The following OSBPL11 variants were observed in gnomAD, a reference collection of about 807,000 sequenced individuals.
OSBPL11 encodes oxysterol binding protein like 11.
OSBPL11 carries 33 observed loss-of-function variants against 84.4 expected under a neutral mutation model. That is an observed-to-expected ratio of 0.39 (90% CI 0.30 to 0.52). The LOEUF (loss-of-function observed/expected upper bound fraction) is 0.52. Among genes scored for constraint, OSBPL11 ranks in the 20% least tolerant of loss-of-function variants. The pLI, the probability that OSBPL11 is intolerant of heterozygous loss-of-function variation, is 0.72. For missense variants in OSBPL11, 736 were observed against 901.1 expected (o/e 0.82, Z 2.35); for synonymous variants, 276 against 310.2 (o/e 0.89, Z 1.16).
At chr3:125,538,814 G>C (rs1453601936) in intron 10 of OSBPL11, among the ~76,000 whole-genome samples, 181 bp from the exon 11 acceptor site, 1 of 152,068 alleles carries the variant, frequency 6.6e-6, no homozygotes, top group African/African-American at 2.4e-5. Flanking sequence ...TTCATAATTT[G>C]TTCAAATAAT....
intron 5 of OSBPL11, among the ~76,000 whole-genome samples, chr3:125,572,799 C>T (rs902637488): frequency 6.9e-6 from 1 of 145,252 alleles, no homozygotes; most frequent in African/African-American, 2.5e-5. Flanking sequence ...TGAATATGGA[C>T]TAATTATATA....
At chr3:125,558,902 T>C (rs1347591633) in intron 8 of OSBPL11, among the ~76,000 whole-genome samples, 1 of 152,244 alleles carries the variant, frequency 6.6e-6, no homozygotes, top group East Asian at 1.9e-4. Context: ...AGATTCTGCA[T>C]TCCTAACAAG....
chr3:125,574,613 A>G (rs1015709252), intron 5 of OSBPL11, among the ~76,000 whole-genome samples: 4 of 152,136 alleles, frequency 2.6e-5, no homozygotes, highest in African/African-American at 9.7e-5. Flanking sequence ...TTATCAATTA[A>G]AAAAAGACAG....
intron 5 of OSBPL11, among the ~76,000 whole-genome samples, chr3:125,573,553 T>C (rs1297973571): frequency 6.6e-6 from 1 of 152,160 alleles, no homozygotes; most frequent in Non-Finnish European, 1.5e-5. Flanking sequence ...GACAGTATGA[T>C]ACTACTCACA....
At chr3:125,590,057 C>T (rs1032281413) in intron 1 of OSBPL11, among the ~76,000 whole-genome samples, 1 of 151,916 alleles carries the variant, frequency 6.6e-6, no homozygotes, top group Non-Finnish European at 1.5e-5. Context: ...TACAAGCTGA[C>T]ATGAAGAATA....
At chr3:125,551,763 G>A (rs1264527996) in intron 9 of OSBPL11, among the ~76,000 whole-genome samples, 1 of 151,870 alleles carries the variant, frequency 6.6e-6, no homozygotes, top group African/African-American at 2.4e-5. Flanking sequence ...GGATGACAGA[G>A]CGAGACTCCA....
At chr3:125,593,145 C>T (rs908387410) in intron 1 of OSBPL11, among the ~76,000 whole-genome samples, 36 of 152,154 alleles carry the variant, frequency 2.4e-4, no homozygotes, top group African/African-American at 2.2e-4. Context: ...ATGCCAGGGC[C>T]GCGGCGGCGC....
rs768494776 is a variant in OSBPL11 at position 125,531,998 on chromosome 3, C to T, written c.2041G>A (p.Val681Met). The change falls in exon 12 of 13, where the codon GTG becomes ATG. Residue 681 changes from valine to methionine, a missense_variant. By Grantham distance (21) the Val-to-Met change is conservative (BLOSUM62 1). Transcript: ENST00000296220. ...TCAGATTCTCTCAGCGAGTCTGTCACATTTTTCCACAATCGCCTGAAATCC... is the reference window on the plus strand; with the variant it reads ...TCAGATTCTCTCAGCGAGTCTGTCATATTTTTCCACAATCGCCTGAAATCC... ...PFESRRLWKN[V>M]TDSLRESEID... The T allele has an allele frequency of 1.9e-6, 3 of 1,602,900 alleles. No individual in the cohort carries two copies. The highest frequency in any genetic ancestry group is 1.1e-5 in the South Asian group (1 of 88,146).
intron 10 of OSBPL11, among the ~76,000 whole-genome samples, chr3:125,539,326 T>C (rs372604351): frequency 1.9e-4 from 23 of 120,356 alleles, no homozygotes; most frequent in South Asian, 8.1e-4. Context: ...TATATATATA[T>C]ATATATATAT....
chr3:125,573,140 G>A (rs1024873908), intron 5 of OSBPL11, among the ~76,000 whole-genome samples: 1 of 151,438 alleles, frequency 6.6e-6, no homozygotes, highest in African/African-American at 2.4e-5. Flanking sequence ...TATATTCAAA[G>A]AAATGGAAAA....
At chr3:125,588,512 T>C (rs1936549267) in intron 1 of OSBPL11, among the ~76,000 whole-genome samples, 1 of 152,174 alleles carries the variant, frequency 6.6e-6, no homozygotes, top group Non-Finnish European at 1.5e-5. Context: ...AAAAGCCAAA[T>C]AGCGATACCT....
At chr3:125,546,367 CTT>C (rs751749735) in intron 10 of OSBPL11, among the ~76,000 whole-genome samples, 6 of 151,646 alleles carry the variant, frequency 4.0e-5, no homozygotes, top group Non-Finnish European at 5.9e-5. Flanking sequence ...GAGTTTCACT[CTT>C]GTCACCCCGG....
chr3:125,543,801 G>A (rs1201140932), intron 10 of OSBPL11, among the ~76,000 whole-genome samples: 1 of 152,112 alleles, frequency 6.6e-6, no homozygotes, highest in Non-Finnish European at 1.5e-5. Flanking sequence ...TTGGGAGGCT[G>A]GGGCAGAAGA....
chr3:125,538,953 GA>G (rs1220731860), intron 10 of OSBPL11, among the ~76,000 whole-genome samples: 3 of 151,590 alleles, frequency 2.0e-5, no homozygotes, highest in African/African-American at 7.3e-5. Flanking sequence ...ATAGAAATAT[GA>G]AAAAATCAAT....
At chr3:125,575,247 TA>T (rs1936304437) in intron 5 of OSBPL11, among the ~76,000 whole-genome samples, 1 of 152,136 alleles carries the variant, frequency 6.6e-6, no homozygotes, top group East Asian at 1.9e-4. Flanking sequence ...TTTTATTAAC[TA>T]GAATTATTTG....
In OSBPL11 at chr3:125,530,370, T is replaced by G. The variant is rs769333577; in HGVS notation, c.*145A>C. The stretch of plus-strand genomic sequence containing the variant: ...CCACTTTGGTCTTGCTGCAGTATTA[T>G]GGTGCCCTAGTAGGTACATTCAGGT... On this transcript the variant is annotated 3_prime_UTR_variant, in exon 13 of 13. Coordinates refer to ENST00000296220, the MANE Select transcript of OSBPL11 (RefSeq NM_022776.5). 7 of 733,536 alleles carry G rather than the reference T, an allele frequency of 9.5e-6. No homozygotes were observed. Among genetic ancestry groups the G allele is most frequent in the Non-Finnish European group, 1.4e-5 (6 of 420,104 alleles). The allele number at this position is 733,536 out of a possible 1,614,324, so 45.4% of individuals were successfully genotyped here.
chr3:125,561,228 C>T (rs1365070562), intron 7 of OSBPL11, among the ~76,000 whole-genome samples: 3 of 152,156 alleles, frequency 2.0e-5, no homozygotes, highest in Non-Finnish European at 4.4e-5. Flanking sequence ...AAATTCCTGA[C>T]CTCAAGTGAT....
At chr3:125,570,631 T>A (rs1385569679) in intron 5 of OSBPL11, among the ~76,000 whole-genome samples, 3 of 152,236 alleles carry the variant, frequency 2.0e-5, no homozygotes, top group Non-Finnish European at 4.4e-5. Flanking sequence ...TTTCCCATGC[T>A]GTTCTCATGA....
At chr3:125,580,434 A>C (rs1476315610) in intron 2 of OSBPL11, among the ~76,000 whole-genome samples, 1 of 147,078 alleles carries the variant, frequency 6.8e-6, no homozygotes, top group Non-Finnish European at 1.5e-5. Context: ...AAATCGCTTG[A>C]ATCTGGGAGG....
Sources: allele counts gnomAD v4.1 joint callset (sites outside exome capture counted in the v4.1 genomes callset), GRCh38; gene constraint gnomAD v4.1.1; transcripts MANE v1.5; gene names NCBI Gene and HGNC (gene_info 2026-07-23, HGNC 2026-07-21).